LHFPL3: variants seen among roughly 807,000 people sequenced by gnomAD.
The protein encoded by LHFPL3 is LHFPL tetraspan subfamily member 3.
LHFPL3 carries 5 observed loss-of-function variants against 19.3 expected under a neutral mutation model. That is an observed-to-expected ratio of 0.26 (90% confidence interval 0.14 to 0.54). The LOEUF (loss-of-function observed/expected upper bound fraction) is 0.54. Ranked by LOEUF, LHFPL3 falls within the 20% of genes least tolerant of loss-of-function variation. The pLI, the probability that LHFPL3 is intolerant of heterozygous loss-of-function variation, is 0.94. For synonymous variants in LHFPL3, 133 were observed against 126.2 expected, an observed-to-expected ratio of 1.05 and a Z score of -0.36; for missense variants, 249 against 307.4, an observed-to-expected ratio of 0.81 and a Z score of 1.42.
At chr7:104,578,346 G>T (rs1277324746) in intron 1 of LHFPL3, among the ~76,000 whole-genome samples, 1 of 152,066 alleles carries the variant, frequency 6.6e-6, no homozygotes, top group Admixed American at 6.6e-5. Context: ...TTGAACACTG[G>T]GATTTCCCAT....
At chr7:104,415,822 G>A (rs1288115299) in intron 1 of LHFPL3, among the ~76,000 whole-genome samples, 1 of 152,100 alleles carries the variant, frequency 6.6e-6, no homozygotes, top group South Asian at 2.1e-4. Context: ...TAGAATGTTC[G>A]GAAGGGCTAT....
chr7:104,611,163 G>A (rs1292010775), intron 1 of LHFPL3, among the ~76,000 whole-genome samples: 1 of 152,172 alleles, frequency 6.6e-6, no homozygotes, highest in Non-Finnish European at 1.5e-5. Context: ...TGGCAGTGAT[G>A]ATAGCAGATA....
At chr7:104,362,854 T>C (rs1469606432) in intron 1 of LHFPL3, among the ~76,000 whole-genome samples, 3 of 152,210 alleles carry the variant, frequency 2.0e-5, no homozygotes, top group Non-Finnish European at 4.4e-5. Context: ...GCTGTCCCCT[T>C]GTGCTGAATC....
At chr7:104,688,549 G>A (rs974378506) in intron 1 of LHFPL3, among the ~76,000 whole-genome samples, 1 of 144,182 alleles carries the variant, frequency 6.9e-6, no homozygotes, top group Admixed American at 7.3e-5. Flanking sequence ...TTTTTTGCCA[G>A]AGGAAACAGC....
chr7:104,618,403 G>C (rs1419330610), intron 1 of LHFPL3, among the ~76,000 whole-genome samples: 2 of 152,114 alleles, frequency 1.3e-5, no homozygotes, highest in African/African-American at 4.8e-5. Context: ...TGAGGAGATT[G>C]AGGCATAAAG....
At chr7:104,703,630 T>C (rs959632203) in intron 1 of LHFPL3, among the ~76,000 whole-genome samples, 2 of 152,252 alleles carry the variant, frequency 1.3e-5, no homozygotes, top group Non-Finnish European at 2.9e-5. Flanking sequence ...ATTTTAGTTA[T>C]GATTCTCACC....
intron 1 of LHFPL3, among the ~76,000 whole-genome samples, chr7:104,729,866 G>T (rs1261297042): frequency 6.6e-6 from 1 of 151,886 alleles, no homozygotes; most frequent in Non-Finnish European, 1.5e-5. Flanking sequence ...ATTTACATTA[G>T]GTATATCTCC....
At chr7:104,638,922 C>A (rs1050557446) in intron 1 of LHFPL3, among the ~76,000 whole-genome samples, 2 of 151,556 alleles carry the variant, frequency 1.3e-5, no homozygotes, top group Non-Finnish European at 2.9e-5. Context: ...CACGCCTCAC[C>A]ACACCCAGCA....
intron 1 of LHFPL3, among the ~76,000 whole-genome samples, chr7:104,356,433 T>C (rs576763462): frequency 6.6e-6 from 1 of 152,328 alleles, no homozygotes; most frequent in South Asian, 2.1e-4. Context: ...AGTCATCCTT[T>C]CCTGACTTTT....
intron 2 of LHFPL3, among the ~76,000 whole-genome samples, chr7:104,740,490 CT>C (rs761746596): frequency 6.6e-6 from 1 of 152,198 alleles, no homozygotes; most frequent in Non-Finnish European, 1.5e-5. Flanking sequence ...CTGTATTAGT[CT>C]GTTCTCACGC....
intron 1 of LHFPL3, among the ~76,000 whole-genome samples, chr7:104,373,416 A>T (rs1232755333): frequency 1.3e-5 from 2 of 152,206 alleles, no homozygotes; most frequent in Non-Finnish European, 2.9e-5. Flanking sequence ...ATATTTTTAA[A>T]GTTATTTTTG....
intron 2 of LHFPL3, among the ~76,000 whole-genome samples, chr7:104,869,743 A>G (rs1397297190): frequency 6.6e-6 from 1 of 152,228 alleles, no homozygotes; most frequent in African/African-American, 2.4e-5. Flanking sequence ...ATTACTGGGT[A>G]CATACCCAGA....
chr7:104,795,220 T>G (rs935878458), intron 2 of LHFPL3, among the ~76,000 whole-genome samples: 1 of 152,152 alleles, frequency 6.6e-6, no homozygotes, highest in African/African-American at 2.4e-5. Flanking sequence ...TTATTTGGTC[T>G]TCCAGCAAAC....
At chr7:104,818,277 A>G (rs1262990704) in intron 2 of LHFPL3, among the ~76,000 whole-genome samples, 1 of 152,004 alleles carries the variant, frequency 6.6e-6, no homozygotes, top group African/African-American at 2.4e-5. Context: ...TGAAATTGTC[A>G]CAATCAACAT....
intron 2 of LHFPL3, among the ~76,000 whole-genome samples, chr7:104,890,064 C>T (rs1182347267): frequency 2.0e-5 from 3 of 152,068 alleles, no homozygotes; most frequent in Admixed American, 1.3e-4. Context: ...TTTGTGAGAT[C>T]GAGGCAGGAG....
At chr7:104,662,231 T>G (rs1041434037) in intron 1 of LHFPL3, among the ~76,000 whole-genome samples, 6 of 152,202 alleles carry the variant, frequency 3.9e-5, no homozygotes, top group Admixed American at 6.5e-5. Flanking sequence ...TTAATAACTC[T>G]GAGACAAAAA....
chr7:104,697,969 C>G (rs1408963457), intron 1 of LHFPL3, among the ~76,000 whole-genome samples: 1 of 152,164 alleles, frequency 6.6e-6, no homozygotes, highest in South Asian at 2.1e-4. Flanking sequence ...TTACGGATTT[C>G]TTATTCCCAG....
At chr7:104,813,608 T>C (rs1359815145) in intron 2 of LHFPL3, among the ~76,000 whole-genome samples, 1 of 151,850 alleles carries the variant, frequency 6.6e-6, no homozygotes, top group Non-Finnish European at 1.5e-5. Flanking sequence ...TGTGAGTGAG[T>C]GTAGGGTCCA....
chr7:104,585,902 C>T (rs544854847), intron 1 of LHFPL3, among the ~76,000 whole-genome samples: 106 of 151,940 alleles, frequency 7.0e-4, no homozygotes, highest in African/African-American at 2.3e-3. Flanking sequence ...ACTGATAATG[C>T]GCAAAATTTT....
Sources: gnomAD v4.1 joint callset for allele counts (sites outside exome capture counted in the v4.1 genomes callset) on GRCh38, gnomAD v4.1.1 for gene constraint, MANE v1.5 for transcripts, NCBI Gene and HGNC (gene_info 2026-07-23, HGNC 2026-07-21) for gene names.